FER: variants seen among roughly 807,000 people sequenced by gnomAD.
FER encodes the protein tyrosine-protein kinase Fer.
A neutral mutation model predicts 111.0 loss-of-function variants in FER; 63 were observed. The observed-to-expected ratio is 0.57, with a 90% CI of 0.46 to 0.70. The LOEUF (loss-of-function observed/expected upper bound fraction) is 0.70. Ranked by LOEUF, FER falls within the 30% of genes least tolerant of loss-of-function variation. FER has a pLI of 0.00. For synonymous variants in FER, 327 were observed against 313.9 expected, an observed-to-expected ratio of 1.04 and a Z score of -0.44; for missense variants, 914 against 954.0, an observed-to-expected ratio of 0.96 and a Z score of 0.55.
chr5:108,963,026 C>A (rs894260321), intron 13 of FER, among the ~76,000 whole-genome samples: 1 of 151,954 alleles, frequency 6.6e-6, no homozygotes, highest in African/African-American at 2.4e-5. Flanking sequence ...TTTAATATAT[C>A]AAAAACTATT....
intron 1 of FER, among the ~76,000 whole-genome samples, chr5:108,755,475 G>A (rs561507790): frequency 1.3e-5 from 2 of 152,140 alleles, no homozygotes; most frequent in African/African-American, 4.8e-5. Context: ...TTCTAGCAGT[G>A]TTCAGGGTTT....
chr5:108,769,946 GA>G, intron 2 of FER, among the ~76,000 whole-genome samples: 1 of 152,132 alleles, frequency 6.6e-6, no homozygotes, highest in South Asian at 2.1e-4. Context: ...TGATGATGAT[GA>G]TGATGATGAT....
At chr5:109,147,791 A>ATG (rs1283723892) in intron 17 of FER, among the ~76,000 whole-genome samples, 1 of 135,122 alleles carries the variant, frequency 7.4e-6, no homozygotes, top group African/African-American at 2.8e-5. Flanking sequence ...ATATATATAT[A>ATG]TATATATATA....
chr5:108,763,174 C>CGT, intron 1 of FER, among the ~76,000 whole-genome samples: 1 of 152,074 alleles, frequency 6.6e-6, no homozygotes, highest in Non-Finnish European at 1.5e-5. Context: ...AAAAATGTGT[C>CGT]GTTGCCTCAC....
chr5:108,789,257 G>A (rs1266873973), intron 2 of FER, among the ~76,000 whole-genome samples: 1 of 152,100 alleles, frequency 6.6e-6, no homozygotes, highest in Non-Finnish European at 1.5e-5. Context: ...AAGGAGTTTG[G>A]GCTTTATTGG....
At chr5:108,831,015 A>G (rs115253546) in intron 3 of FER, among the ~76,000 whole-genome samples, 3,266 of 152,240 alleles carry the variant, frequency 0.021, 113 homozygotes, top group African/African-American at 0.075. Flanking sequence ...GAGTGGCAAT[A>G]TATGCTTTGA....
chr5:108,885,393 C>G (rs1175764529), intron 9 of FER, among the ~76,000 whole-genome samples: 1 of 151,942 alleles, frequency 6.6e-6, no homozygotes, highest in African/African-American at 2.4e-5. Context: ...TATACTATAG[C>G]TGTTATTACA....
chr5:109,135,646 A>T (rs532856883), intron 17 of FER, among the ~76,000 whole-genome samples: 2 of 151,822 alleles, frequency 1.3e-5, no homozygotes, highest in Non-Finnish European at 2.9e-5. Context: ...ACTCACCAAA[A>T]CTCTCTAAAA....
chr5:109,039,894 GA>G (rs1313350425), intron 14 of FER, among the ~76,000 whole-genome samples: 1 of 152,048 alleles, frequency 6.6e-6, no homozygotes, highest in African/African-American at 2.4e-5. Flanking sequence ...CGGGAGTTGT[GA>G]AAATAGGCTG....
chr5:109,186,283 G>A lies in FER; in HGVS notation c.2287G>A (p.Gly763Arg), dbSNP rs1165231868. Residue 763 changes from glycine to arginine, a missense_variant, in exon 19 of 20, where the codon GGA (glycine) becomes AGA (arginine). Physicochemically the swap from Gly to Arg is moderately radical, Grantham distance 125. Around this residue, in one of 3 missense-constraint regions of FER, gnomAD observed 134 missense variants for 149.4 expected, o/e 0.90. Transcript: ENST00000281092. Reference protein sequence around the residue: ...TFSLGVCPYPGMTNQQAREQV... With the variant: ...TFSLGVCPYPRMTNQQAREQV... Reference sequence around the variant, plus strand: ...CAGCTTAGGGGTTTGTCCGTACCCTGGAATGACAAATCAGCAAGCAAGAGA... The same window carrying A: ...CAGCTTAGGGGTTTGTCCGTACCCTAGAATGACAAATCAGCAAGCAAGAGA... 2.5e-6 allele frequency: 4 copies of A among 1,614,080 alleles called. No homozygotes were observed. The highest frequency in any genetic ancestry group is 3.4e-6 in the Non-Finnish European group (4 of 1,179,982).
At chr5:108,889,148 G>A (rs892266252) in intron 9 of FER, among the ~76,000 whole-genome samples, 2 of 151,822 alleles carry the variant, frequency 1.3e-5, no homozygotes, top group South Asian at 2.1e-4. Context: ...AGAACAGTTT[G>A]GAGGTACCTG....
At chr5:108,796,625 T>G (rs572679389) in intron 2 of FER, among the ~76,000 whole-genome samples, 1 of 152,066 alleles carries the variant, frequency 6.6e-6, no homozygotes, top group African/African-American at 2.4e-5. Context: ...TTTCCTCAAG[T>G]AGAAGAGCCT....
chr5:108,818,508 ATAATAT>A (rs1222539946), intron 3 of FER, among the ~76,000 whole-genome samples: 2 of 152,282 alleles, frequency 1.3e-5, no homozygotes, highest in South Asian at 2.1e-4. Context: ...AATATTTTTA[ATAATAT>A]TAATATTAAT....
chr5:108,868,466 TTTAA>T (rs1414687870), intron 6 of FER, among the ~76,000 whole-genome samples: 4 of 152,104 alleles, frequency 2.6e-5, no homozygotes, highest in African/African-American at 9.7e-5. Context: ...AACAGTATAC[TTTAA>T]TTAGTGAGTC....
chr5:108,927,250 C>CTTTT (rs773963733), intron 10 of FER, among the ~76,000 whole-genome samples: 4,700 of 94,256 alleles, frequency 0.05, 191 homozygotes, highest in South Asian at 0.095. Context: ...TGAGAAGTGG[C>CTTTT]TCTTTTTTTT....
At chr5:108,983,454 G>T (rs528031402) in intron 13 of FER, among the ~76,000 whole-genome samples, 1 of 152,112 alleles carries the variant, frequency 6.6e-6, no homozygotes, top group East Asian at 1.9e-4. Flanking sequence ...TAGATTTTGG[G>T]CAGAAATATG....
chr5:108,850,569 TTA>T (rs1422584978), intron 5 of FER, among the ~76,000 whole-genome samples: 5 of 152,266 alleles, frequency 3.3e-5, no homozygotes, highest in Non-Finnish European at 7.4e-5. Context: ...GGAAAATGTG[TTA>T]TCTCTTTTTT....
At chr5:109,008,087 CT>C (rs1392237767) in intron 13 of FER, among the ~76,000 whole-genome samples, 1 of 152,028 alleles carries the variant, frequency 6.6e-6, no homozygotes, top group African/African-American at 2.4e-5. Flanking sequence ...TTTGTGGGCA[CT>C]TTTGACAACC....
chr5:108,886,399 T>C (rs1459092486), intron 9 of FER, among the ~76,000 whole-genome samples: 1 of 148,614 alleles, frequency 6.7e-6, no homozygotes, highest in Non-Finnish European at 1.5e-5. Context: ...TTTATATATA[T>C]ATATTATAAC....
Sources: allele counts gnomAD v4.1 joint callset (sites outside exome capture counted in the v4.1 genomes callset), GRCh38; gene constraint gnomAD v4.1.1; regional missense constraint gnomAD v4.1.1; transcripts MANE v1.5; gene names NCBI Gene and HGNC (gene_info 2026-07-23, HGNC 2026-07-21).